Variants in PCYT1B observed in about 807,000 individuals in gnomAD.
PCYT1B encodes phosphate cytidylyltransferase 1B, choline, also known as choline-phosphate cytidylyltransferase B.
PCYT1B carries 10 observed loss-of-function variants against 26.4 expected under a neutral mutation model. The observed-to-expected ratio is 0.38, with a 90% confidence interval of 0.23 to 0.64. The LOEUF (loss-of-function observed/expected upper bound fraction) is 0.64, where lower values mean the gene tolerates loss of function less well. PCYT1B is among the 30% of genes least tolerant of loss of function. The pLI is 0.56. For missense variants in PCYT1B, 161 were observed against 292.7 expected, an observed-to-expected ratio of 0.55 and a Z score of 3.28; for synonymous variants, 131 against 108.4, an observed-to-expected ratio of 1.21 and a Z score of -1.29.
intron 3 of PCYT1B, among the ~76,000 whole-genome samples, chrX:24,602,571 C>T (rs2148243021): frequency 9.0e-6 from 1 of 111,285 alleles, no homozygotes; most frequent in East Asian, 2.8e-4. Context: ...GTAACAAATG[C>T]ATCAGGCTGG....
chrX:24,569,998 A>T (rs1291403579), intron 7 of PCYT1B, among the ~76,000 whole-genome samples: 1 of 110,084 alleles, frequency 9.1e-6, no homozygotes, highest in East Asian at 2.9e-4. Context: ...AGCCTGGCCA[A>T]CATGGCAAAA....
intron 1 of PCYT1B, among the ~76,000 whole-genome samples, chrX:24,644,211 C>A (rs929282297): frequency 1.8e-5 from 2 of 111,782 alleles, no homozygotes; most frequent in African/African-American, 3.3e-5. Context: ...AAGTATAAAT[C>A]TAAATTTAGA....
rs1350460961 is a variant in PCYT1B, at chrX:24,559,253, G to C, written c.*3040C>G. On this transcript the variant is annotated 3_prime_UTR_variant, in exon 8 of 8. Coordinates refer to ENST00000379144, the MANE Select transcript of PCYT1B (RefSeq NM_004845.5). ...AACCCCTTGAACCTGGGAGGTGGAG[G>C]CTGCAGTGAGCCGAGATTGTGCCAT... 1 of 106,335 alleles carries C rather than the reference G, an allele frequency of 9.4e-6. No homozygotes were observed. Among genetic ancestry groups the C allele is most frequent in the Non-Finnish European group, 1.9e-5 (1 of 51,661 alleles). 8.8% of individuals were successfully genotyped at this position (106,335 alleles called of 1,213,427 possible). A position where few individuals can be genotyped will look rare whatever the true frequency, so the allele number is the denominator to read the frequency against.
intron 7 of PCYT1B, among the ~76,000 whole-genome samples, chrX:24,564,371 TTTTTTG>T (rs1343348578): frequency 7.4e-5 from 5 of 67,442 alleles, no homozygotes; most frequent in Admixed American, 1.8e-4. Context: ...TGTTTTTTTG[TTTTTTG>T]TTTTTTTTTG....
At chrX:24,578,758 T>G (rs1924104527) in intron 6 of PCYT1B, among the ~76,000 whole-genome samples, 2 of 111,556 alleles carry the variant, frequency 1.8e-5, no homozygotes, top group Non-Finnish European at 3.8e-5. Context: ...CTCTTGCCTT[T>G]TACAAGGGGC....
chrX:24,628,689 TATC>T (rs1365237385), intron 1 of PCYT1B, among the ~76,000 whole-genome samples: 4 of 111,608 alleles, frequency 3.6e-5, no homozygotes, highest in Admixed American at 9.6e-5. Flanking sequence ...ATGATTATCT[TATC>T]ATGTCACTTA....
At chrX:24,620,838 G>A (rs1311318575) in intron 1 of PCYT1B, among the ~76,000 whole-genome samples, 1 of 111,929 alleles carries the variant, frequency 8.9e-6, no homozygotes, top group Non-Finnish European at 1.9e-5. Flanking sequence ...CTCTGCACAT[G>A]ATCCTTTCTG....
chrX:24,667,780 G>A (rs1181750341), intron 1 of PCYT1B, among the ~76,000 whole-genome samples: 2 of 111,171 alleles, frequency 1.8e-5, no homozygotes, highest in Non-Finnish European at 3.8e-5. Flanking sequence ...AAAATGTTCA[G>A]ATATCTAAGC....
chrX:24,630,584 C>T (rs776589432), intron 1 of PCYT1B, among the ~76,000 whole-genome samples: 3 of 112,295 alleles, frequency 2.7e-5, no homozygotes, highest in South Asian at 3.7e-4. Context: ...CGTGAGCCAC[C>T]ACGCCCAGTC....
At chrX:24,598,667 T>G (rs1158505367) in intron 3 of PCYT1B, among the ~76,000 whole-genome samples, 22 of 112,223 alleles carry the variant, frequency 2.0e-4, no homozygotes, top group African/African-American at 7.1e-4. Flanking sequence ...TGTTTATAAC[T>G]TATTATATTA....
chrX:24,618,760 C>T (rs1925601328), intron 2 of PCYT1B, among the ~76,000 whole-genome samples: 1 of 109,465 alleles, frequency 9.1e-6, no homozygotes, highest in Admixed American at 9.9e-5. Flanking sequence ...GTAGCTGGTA[C>T]TACAGGCGTG....
chrX:24,560,781 C>G lies in PCYT1B; in HGVS notation c.*1512G>C, dbSNP rs1184255015. ...GATTCTGGGCTCTGCCTACAAGTTG[C>G]TGGTTTGGGCCTCTATTCAGTCAGA... On this transcript the variant is annotated 3_prime_UTR_variant, in exon 8 of 8. Transcript: ENST00000379144. 1 of 112,168 alleles carries G rather than the reference C, an allele frequency of 8.9e-6. No homozygotes were observed. Among genetic ancestry groups the G allele is most frequent in the Non-Finnish European group, 1.9e-5 (1 of 53,186 alleles). 9.2% of individuals were successfully genotyped at this position (112,168 alleles called of 1,213,427 possible).
At chrX:24,630,359 G>T (rs180848053) in intron 1 of PCYT1B, among the ~76,000 whole-genome samples, 1 of 111,389 alleles carries the variant, frequency 9.0e-6, no homozygotes, top group Non-Finnish European at 1.9e-5. Flanking sequence ...GCAGTGGCGC[G>T]ATCTCAGCTC....
At chrX:24,569,190 A>C (rs755046896) in intron 7 of PCYT1B, among the ~76,000 whole-genome samples, 19 of 111,431 alleles carry the variant, frequency 1.7e-4, no homozygotes, top group Non-Finnish European at 3.4e-4. Context: ...GCAGATCCAC[A>C]AACTATATTT....
chrX:24,671,509 G>A (rs1357739211), intron 1 of PCYT1B, among the ~76,000 whole-genome samples: 2 of 111,428 alleles, frequency 1.8e-5, no homozygotes, highest in African/African-American at 6.5e-5. Context: ...AATCAGTCAT[G>A]TAGCTCAAGT....
At chrX:24,661,142 C>T (rs1216845683) in intron 1 of PCYT1B, among the ~76,000 whole-genome samples, 1 of 112,140 alleles carries the variant, frequency 8.9e-6, no homozygotes, top group Admixed American at 9.5e-5. Flanking sequence ...ATAAGAACTG[C>T]AATTGATGGA....
chrX:24,616,254 A>ATTTT (rs1569248437), intron 2 of PCYT1B, among the ~76,000 whole-genome samples: 647 of 52,821 alleles, frequency 0.012, 11 homozygotes, highest in Non-Finnish European at 0.017. Flanking sequence ...TTTTTTTTTA[A>ATTTT]AAAAACAGAG....
rs1280469211 is a variant in PCYT1B at position 24,591,511 on chromosome X, C to T, written c.335-1337G>A. On this transcript the variant is annotated intron_variant, in intron 3 of 7. Transcript: ENST00000379144. Reference sequence around the variant, plus strand: ...TGATCTTGGCTCACTGCAACCTCCACCTCCCAGGTTCAAGTGATTCTCCTG... The same window carrying T: ...TGATCTTGGCTCACTGCAACCTCCATCTCCCAGGTTCAAGTGATTCTCCTG... Among the ~76,000 whole-genome samples the T allele has an allele frequency of 4.5e-5, 5 of 111,192 alleles. No homozygotes were observed. The East Asian group carries it at 1.1e-3, about 25-fold the overall frequency.
chrX:24,591,680 C>G (rs1317838158), intron 3 of PCYT1B, among the ~76,000 whole-genome samples: 1 of 111,473 alleles, frequency 9.0e-6, no homozygotes, highest in Admixed American at 9.6e-5. Context: ...GTCTCAGCCT[C>G]CCAAAGTGTT....
Sources: allele counts gnomAD v4.1 joint callset (sites outside exome capture counted in the v4.1 genomes callset), GRCh38; gene constraint gnomAD v4.1.1; transcripts MANE v1.5; gene names NCBI Gene and HGNC (gene_info 2026-07-23, HGNC 2026-07-21).